Variants in CALN1 observed in about 807,000 individuals in gnomAD.
The protein encoded by CALN1 is calneuron 1, also known as calcium-binding protein 8.
In CALN1, 17 loss-of-function variants were observed where a neutral mutation model predicts 30.6. That is an observed-to-expected ratio of 0.56 (90% confidence interval 0.38 to 0.83). The LOEUF is 0.83. CALN1 is among the 40% of genes least tolerant of loss of function. The pLI is 0.00. For synonymous variants in CALN1, 156 were observed against 131.4 expected, an observed-to-expected ratio of 1.19 and a Z score of -1.28; for missense variants, 291 against 354.9, an observed-to-expected ratio of 0.82 and a Z score of 1.45.
intron 5 of CALN1, among the ~76,000 whole-genome samples, chr7:71,966,035 A>G (rs1797514136): frequency 6.8e-6 from 1 of 147,646 alleles, no homozygotes; most frequent in Non-Finnish European, 1.5e-5. Flanking sequence ...CACAATACTC[A>G]ATAGAAAAAT....
intron 3 of CALN1, among the ~76,000 whole-genome samples, chr7:72,196,187 G>A (rs1026407465): frequency 2.0e-5 from 3 of 151,856 alleles, no homozygotes; most frequent in East Asian, 1.9e-4. Flanking sequence ...GCGAGATCTC[G>A]GCTCACTGTG....
intron 3 of CALN1, among the ~76,000 whole-genome samples, chr7:72,201,201 C>T (rs1791389735): frequency 6.6e-6 from 1 of 152,120 alleles, no homozygotes; most frequent in Non-Finnish European, 1.5e-5. Context: ...TGCATATTCT[C>T]ACTTATAAGT....
intron 3 of CALN1, among the ~76,000 whole-genome samples, chr7:72,207,598 G>A (rs1043517476): frequency 6.6e-6 from 1 of 151,190 alleles, no homozygotes; most frequent in African/African-American, 2.4e-5. Flanking sequence ...TTACAGGCAT[G>A]AGCCACTGCA....
intron 3 of CALN1, among the ~76,000 whole-genome samples, chr7:72,266,508 G>A (rs184310159): frequency 4.6e-5 from 7 of 152,216 alleles, no homozygotes; most frequent in Non-Finnish European, 7.4e-5. Flanking sequence ...TGCACATTCC[G>A]AGCCAATGTG....
intron 5 of CALN1, among the ~76,000 whole-genome samples, chr7:71,929,197 T>C (rs1027466541): frequency 3.3e-5 from 5 of 152,186 alleles, no homozygotes; most frequent in African/African-American, 9.7e-5. Context: ...ACACGTGCCA[T>C]GGTGGTTTAC....
chr7:72,308,294 A>G (rs1046631404), intron 2 of CALN1, among the ~76,000 whole-genome samples: 3 of 143,882 alleles, frequency 2.1e-5, no homozygotes, highest in African/African-American at 5.2e-5. Flanking sequence ...AACCAGGGAG[A>G]AGGAGGTTGC....
At chr7:72,280,870 C>T (rs765028297) in intron 2 of CALN1, among the ~76,000 whole-genome samples, 7 of 152,074 alleles carry the variant, frequency 4.6e-5, no homozygotes, top group South Asian at 2.1e-4. Flanking sequence ...CAGTTGGGTG[C>T]GGTGGCTCAC....
At position 71,823,176 on chromosome 7, in the gene CALN1, GTCTC is replaced by G. The variant is rs71865957; in HGVS notation, c.502-12688_502-12685del. 2.2e-4 allele frequency among the ~76,000 whole-genome samples: 33 copies of G among 148,030 alleles called. No homozygotes were observed. In the South Asian group the frequency reaches 3.2e-3, roughly 15 times the overall value. Reference sequence around the variant, plus strand: ...TCTCCAGTTTCTTCTCTCTCTCTCCGTCTCTCTCTCTTTTTTTTTTTTAAGAGAC... The same window carrying G: ...TCTCCAGTTTCTTCTCTCTCTCTCCGTCTCTCTTTTTTTTTTTTAAGAGAC... On this transcript the variant is annotated intron_variant, in intron 5 of 6. Transcript: ENST00000395275.
intron 2 of CALN1, among the ~76,000 whole-genome samples, chr7:72,298,582 G>A (rs1035186523): frequency 1.3e-5 from 2 of 152,116 alleles, no homozygotes; most frequent in East Asian, 1.9e-4. Flanking sequence ...CTTGGTAGAC[G>A]TTCTGTAAAG....
At chr7:72,410,662 T>C (rs1246719209) in intron 1 of CALN1, among the ~76,000 whole-genome samples, 2 of 152,068 alleles carry the variant, frequency 1.3e-5, no homozygotes, top group African/African-American at 2.4e-5. Context: ...CCCTAAACCC[T>C]GGTTCTTCAA....
intron 4 of CALN1, among the ~76,000 whole-genome samples, chr7:72,079,343 T>C (rs1461823576): frequency 1.3e-5 from 2 of 152,206 alleles, no homozygotes; most frequent in African/African-American, 4.8e-5. Context: ...AAGAGGAGTC[T>C]ATTCCCACTA....
intron 3 of CALN1, among the ~76,000 whole-genome samples, chr7:72,177,347 T>TA (rs773563932): frequency 1.3e-5 from 2 of 152,192 alleles, no homozygotes; most frequent in Non-Finnish European, 2.9e-5. Flanking sequence ...TCATGACTCT[T>TA]AAGCAGGCCT....
intron 4 of CALN1, among the ~76,000 whole-genome samples, chr7:72,101,125 G>A (rs1806633151): frequency 6.6e-6 from 1 of 151,876 alleles, no homozygotes; most frequent in Non-Finnish European, 1.5e-5. Context: ...TACCATGCCT[G>A]GCTAATTGTT....
At chr7:71,974,417 C>CAAAAAAAAAAAA (rs1052896558) in intron 5 of CALN1, among the ~76,000 whole-genome samples, 1 of 55,004 alleles carries the variant, frequency 1.8e-5, no homozygotes, top group African/African-American at 5.2e-5. Context: ...GACTCCATCT[C>CAAAAAAAAAAAA]AAAAAAAAAA....
chr7:72,115,483 T>C (rs1385765841), intron 3 of CALN1, among the ~76,000 whole-genome samples: 1 of 126,310 alleles, frequency 7.9e-6, no homozygotes, highest in African/African-American at 3.0e-5. Context: ...ACATATACAT[T>C]CTTTTTTTTT....
At chr7:71,907,974 T>C (rs1176139268) in intron 5 of CALN1, among the ~76,000 whole-genome samples, 2 of 152,262 alleles carry the variant, frequency 1.3e-5, no homozygotes, top group South Asian at 4.1e-4. Context: ...GGGGGCAACG[T>C]TGAAACAACT....
chr7:72,409,883 G>C (rs184976773), intron 1 of CALN1, among the ~76,000 whole-genome samples: 5 of 152,164 alleles, frequency 3.3e-5, no homozygotes. Flanking sequence ...GTCTCTGCTA[G>C]ATTTTACAAT....
intron 5 of CALN1, among the ~76,000 whole-genome samples, chr7:71,812,598 G>T (rs1562801646): frequency 6.6e-6 from 1 of 152,152 alleles, no homozygotes; most frequent in Non-Finnish European, 1.5e-5. Context: ...GCTCAGGAAA[G>T]AACTGGTTGA....
chr7:71,933,760 A>C (rs570020816), intron 5 of CALN1, among the ~76,000 whole-genome samples: 27 of 152,262 alleles, frequency 1.8e-4, no homozygotes, highest in Admixed American at 3.3e-4. Flanking sequence ...TGAGAATGTA[A>C]GTTATTTTAT....
Sources: gnomAD v4.1 joint callset for allele counts (sites outside exome capture counted in the v4.1 genomes callset) on GRCh38, gnomAD v4.1.1 for gene constraint, MANE v1.5 for transcripts, NCBI Gene and HGNC (gene_info 2026-07-23, HGNC 2026-07-21) for gene names.